FAAP100: variants seen among roughly 807,000 people sequenced by gnomAD.
FAAP100 encodes the protein FA core complex associated protein 100.
FAAP100 carries 46 observed loss-of-function variants against 65.8 expected under a neutral mutation model. The observed-to-expected ratio is 0.70, with a 90% CI of 0.55 to 0.89. The LOEUF (loss-of-function observed/expected upper bound fraction) is 0.89. Ranked by LOEUF, FAAP100 falls within the 40% of genes least tolerant of loss-of-function variation. The pLI, the probability that FAAP100 is intolerant of heterozygous loss-of-function variation, is 0.00. For synonymous variants in FAAP100, 663 were observed against 555.1 expected, an observed-to-expected ratio of 1.19 and a Z score of -2.73; for missense variants, 1,165 against 1,196.7, an observed-to-expected ratio of 0.97 and a Z score of 0.39.
chr17:81,545,956 A>T (rs977885375), intron 5 of FAAP100, 74 bp from the exon 6 acceptor site: 3 of 1,521,160 alleles, frequency 2.0e-6, no homozygotes, highest in Admixed American at 1.9e-5. Context: ...CCAGGTGGGC[A>T]TCTGCATACC....
chr17:81,551,439 G>A (rs1568101038), intron 2 of FAAP100, among the ~76,000 whole-genome samples: 1 of 152,254 alleles, frequency 6.6e-6, no homozygotes, highest in Non-Finnish European at 1.5e-5. Context: ...AGAACCGTCA[G>A]GCTGAGGCCC....
chr17:81,548,171 C>A, intron 4 of FAAP100: 1 of 595,158 alleles, frequency 1.7e-6, no homozygotes, highest in South Asian at 2.0e-5. Context: ...CCCTCGCTCT[C>A]GGGACCCCAG....
Position 81,544,071 on chromosome 17 carries a change from A to C in FAAP100, c.2360T>G (p.Ile787Ser), listed in dbSNP as rs1406383202. Residue 787 changes from isoleucine to serine, a missense_variant, in exon 7 of 9, where the codon ATT becomes AGT. Transcript: ENST00000327787. ...GGCCAGAGAGGAGCTTTCCACTTGA[A>C]TCTCCACGGCCTGGATGGGCCCTGC... is the stretch of plus-strand genomic sequence containing the variant. ...CPAGPIQAVE[I>S]QVESSSLADI... 1 of 1,612,442 alleles carries C rather than the reference A, an allele frequency of 6.2e-7. No homozygotes were observed. Among genetic ancestry groups the C allele is most frequent in the Non-Finnish European group, 8.5e-7 (1 of 1,179,794 alleles).
In FAAP100 at chr17:81,547,211, A is replaced by C; in HGVS notation, c.1871T>G (p.Leu624Arg). The part of the protein sequence containing the change: ...LAPSDSEDPF[L>R]DECPSDVLPE... Reference sequence around the variant, plus strand: ...CAGGACGTCGGAGGGGCACTCATCCAGAAAGGGGTCCTCAGAGTCTGAGGG... The same window carrying C: ...CAGGACGTCGGAGGGGCACTCATCCCGAAAGGGGTCCTCAGAGTCTGAGGG... Residue 624 changes from leucine to arginine, a missense_variant, in exon 5 of 9, where the codon CTG becomes CGG. Physicochemically the swap from Leu to Arg is moderately radical, Grantham distance 102. Coordinates refer to ENST00000327787, the MANE Select transcript of FAAP100 (RefSeq NM_025161.6). 1 of 1,567,884 alleles carries C rather than the reference A, an allele frequency of 6.4e-7. No homozygotes were observed. The highest frequency in any genetic ancestry group is 1.2e-5 in the South Asian group (1 of 83,770).
chr17:81,545,831 G>A lies in FAAP100; in HGVS notation c.2225C>T (p.Ala742Val), dbSNP rs1418413612. 3 of 1,611,438 alleles carry A rather than the reference G, an allele frequency of 1.9e-6. No homozygotes were observed. The highest frequency in any genetic ancestry group is 3.3e-5 in the Admixed American group (2 of 60,004). Residue 742 changes from alanine to valine, a missense_variant, in exon 6 of 9, where the codon GCT becomes GTT. Transcript: ENST00000327787. The stretch of plus-strand genomic sequence containing the variant: ...TGCTCGGGCCCTCACGACGTCCACA[G>A]CAGCATTCTCAGCAAGGAGCCACTG... The part of the protein sequence containing the change: ...TLQWLLAENA[A>V]VDVVRARALS...
chr17:81,547,541 C>T lies in FAAP100; in HGVS notation c.1541G>A (p.Trp514Ter), dbSNP rs1304711873. 2 of 1,613,526 alleles carry T rather than the reference C, an allele frequency of 1.2e-6. No individual in the cohort carries two copies. Among genetic ancestry groups the T allele is most frequent in the Non-Finnish European group, 1.7e-6 (2 of 1,180,036 alleles). Residue 514 changes from tryptophan (W) to a stop codon, truncating the protein, a stop_gained, in exon 5 of 9, where the codon TGG becomes TAG. Coordinates refer to ENST00000327787, the MANE Select transcript of FAAP100 (RefSeq NM_025161.6). LOFTEE classifies it high-confidence loss of function. ...RPISCTTSTT[W>*]SRLQTQDVLM... Reference sequence around the variant, plus strand: ...CACATCCTGTGTCTGCAGGCGGCTCCAGGTGGTGCTGGTGGTGCAGGAGAT... The same window carrying T: ...CACATCCTGTGTCTGCAGGCGGCTCTAGGTGGTGCTGGTGGTGCAGGAGAT...
At position 81,543,676 on chromosome 17, in the gene FAAP100, G is replaced by A. The variant is rs544761395; in HGVS notation, c.2427+328C>T. Among the ~76,000 whole-genome samples, 20 of 152,300 alleles carry A rather than the reference G, an allele frequency of 1.3e-4. No individual in the cohort carries two copies. The South Asian group carries it at 3.3e-3, about 25-fold the overall frequency. The stretch of plus-strand genomic sequence containing the variant: ...AGGCAGCCTCTGCCCAGCCAGAGAA[G>A]GGAGGAAACCTTGGGCTGACCTCGC... On this transcript the variant is annotated intron_variant, in intron 7 of 8. Transcript: ENST00000327787.
Position 81,547,510 on chromosome 17 carries a change from C to G in FAAP100, c.1572G>C (p.Met524Ile). The change falls in exon 5 of 9, where the codon ATG (methionine) becomes ATC (isoleucine). Residue 524 changes from methionine (M) to isoleucine (I), a missense_variant. Met to Ile is a conservative substitution (Grantham distance 10). Coordinates refer to ENST00000327787, the MANE Select transcript of FAAP100 (RefSeq NM_025161.6). ...TGCTGTTCTCTAGCACGCAGGTGGC[C>G]ATGAGCACATCCTGTGTCTGCAGGC... The part of the protein sequence containing the change: ...WSRLQTQDVL[M>I]ATCVLENSSS... The G allele has an allele frequency of 6.2e-7, 1 of 1,613,490 alleles. No individual in the cohort carries two copies. The highest frequency in any genetic ancestry group is 1.1e-5 in the South Asian group (1 of 91,078).
At chr17:81,543,742 G>A (rs150354584) in intron 7 of FAAP100, among the ~76,000 whole-genome samples, 8 of 152,190 alleles carry the variant, frequency 5.3e-5, no homozygotes, top group African/African-American at 1.9e-4. Context: ...AGCCCGGGCA[G>A]TCCTTGGACT....
chr17:81,543,026 A>C (rs2033174756), intron 7 of FAAP100, among the ~76,000 whole-genome samples: 1 of 152,036 alleles, frequency 6.6e-6, no homozygotes, highest in South Asian at 2.1e-4. Flanking sequence ...GCTGCGTGAC[A>C]TGCTCATCAG....
intron 4 of FAAP100, chr17:81,548,436 C>A: frequency 5.4e-6 from 1 of 183,580 alleles, no homozygotes; most frequent in Non-Finnish European, 1.2e-5. Context: ...GCTCTCAAGA[C>A]ATCTTAAGAG....
chr17:81,542,603 C>T (rs1206187737), intron 7 of FAAP100, among the ~76,000 whole-genome samples: 8 of 152,168 alleles, frequency 5.3e-5, no homozygotes, highest in Admixed American at 5.2e-4. Flanking sequence ...CTAAGGTCTG[C>T]AGCCTGAGAT....
intron 6 of FAAP100, 39 bp from the exon 7 acceptor site, chr17:81,544,159 C>T (rs368670382): frequency 6.6e-7 from 1 of 1,521,036 alleles, no homozygotes; most frequent in Non-Finnish European, 9.1e-7. Flanking sequence ...GCCTGTGGCA[C>T]TCCCACCTGC....
In FAAP100 at chr17:81,544,109, A is replaced by C. The variant is rs8077430; in HGVS notation, c.2322T>G (p.Thr774=). The C allele has an allele frequency of 6.2e-7, 1 of 1,611,800 alleles. No homozygotes were observed. ...VHLIVREVAM[T]DLCPAGPIQA... is the part of the protein sequence containing the mutation. ...GGATGGGCCCTGCTGGGCACAGGTC[A>C]GTCATGGCCACCTGCAACACAGGAG... The change falls in exon 7 of 9, where the codon ACT becomes ACG. Residue 774 remains threonine, a synonymous_variant. Coordinates refer to ENST00000327787, the MANE Select transcript of FAAP100 (RefSeq NM_025161.6).
In FAAP100 at chr17:81,547,297, G is replaced by A. The variant is rs746446492; in HGVS notation, c.1785C>T (p.Pro595=). ...GPGENGGLDL[P]VTVSCTLFYS... ...AGAACAGCGTGCAGGACACGGTCAC[G>A]GGCAGGTCGAGCCCGCCGTTCTCAC... Residue 595 remains proline (P), a synonymous_variant, in exon 5 of 9, where the codon CCC becomes CCT. Coordinates refer to ENST00000327787, the MANE Select transcript of FAAP100 (RefSeq NM_025161.6). 14 of 1,611,972 alleles carry A rather than the reference G, an allele frequency of 8.7e-6. No homozygotes were observed. Among genetic ancestry groups the A allele is most frequent in the East Asian group, 4.5e-5 (2 of 44,884 alleles).
chr17:81,547,132 C>G lies in FAAP100; in HGVS notation c.1950G>C (p.Leu650=), dbSNP rs1598595404. The change falls in exon 5 of 9, where the codon CTG becomes CTC. Residue 650 remains leucine, a synonymous_variant. Transcript: ENST00000327787. ...CCAGGCCAGGGAAGCGCAGACACTG[C>G]AGCATGTCCACTGTGTGCCTGCTCA... The part of the protein sequence containing the change: ...LPLSRHTVDM[L]QCLRFPGLAP... 6.5e-6 allele frequency: 10 copies of G among 1,532,874 alleles called. No individual in the cohort carries two copies. The highest frequency in any genetic ancestry group is 5.5e-5 in the African/African-American group (4 of 72,536). 95.0% of individuals were successfully genotyped at this position (1,532,874 alleles called of 1,614,324 possible).
In FAAP100 at chr17:81,550,802, G is replaced by T. The variant is rs780802244; in HGVS notation, c.692C>A (p.Ala231Asp). Residue 231 changes from alanine (A) to aspartate (D), a missense_variant, in exon 3 of 9, where the codon GCT becomes GAT. By Grantham distance (126) the Ala-to-Asp change is moderately radical (BLOSUM62 -2). Coordinates refer to ENST00000327787, the MANE Select transcript of FAAP100 (RefSeq NM_025161.6). ...AGGTGACTGCAGGAGGGTGGCATCAGCTCCAAAGAGGAGCCCGAAGAGGGC... is the reference window on the plus strand; with the variant it reads ...AGGTGACTGCAGGAGGGTGGCATCATCTCCAAAGAGGAGCCCGAAGAGGGC... ...EDALFGLLFG[A>D]DATLLQSPVV... is the part of the protein sequence containing the mutation. The T allele has an allele frequency of 1.2e-6, 2 of 1,612,706 alleles. No homozygotes were observed. Among genetic ancestry groups the T allele is most frequent in the Non-Finnish European group, 1.7e-6 (2 of 1,179,852 alleles).
Position 81,547,028 on chromosome 17 carries a change from T to A in FAAP100, c.2054A>T (p.Glu685Val). The A allele has an allele frequency of 6.5e-7, 1 of 1,548,920 alleles. No homozygotes were observed. The highest frequency in any genetic ancestry group is 8.7e-7 in the Non-Finnish European group (1 of 1,147,824). Residue 685 changes from glutamate to valine, a missense_variant, in exon 5 of 9, where the codon GAG becomes GTG. Physicochemically the swap from Glu to Val is moderately radical, Grantham distance 121. Transcript: ENST00000327787. ...GGGTCCTGCTGGCTGGCTGCCAGGC[T>A]CCCGACAAGTTTCCAGAAAAGTGGC... Reference protein sequence around the residue: ...PVATFLETCREPGSQPAGPAS... With the variant: ...PVATFLETCRVPGSQPAGPAS...
intron 4 of FAAP100, among the ~76,000 whole-genome samples, chr17:81,548,958 T>C (rs996308476): frequency 4.9e-5 from 7 of 141,750 alleles, no homozygotes; most frequent in African/African-American, 1.9e-4. Flanking sequence ...AAGAATGGCG[T>C]GAACCCGGGA....
Sources: allele counts gnomAD v4.1 joint callset (sites outside exome capture counted in the v4.1 genomes callset), GRCh38; gene constraint gnomAD v4.1.1; transcripts MANE v1.5; gene names NCBI Gene and HGNC (gene_info 2026-07-23, HGNC 2026-07-21).